FABP7: variants seen among roughly 807,000 people sequenced by gnomAD.
FABP7 encodes fatty acid binding protein 7.
Under a neutral mutation model 14.2 loss-of-function variants are expected in FABP7, and 13 were observed. The ratio of observed to expected loss-of-function variants is 0.91; its 90% confidence interval spans 0.59 to 1.45. The LOEUF (loss-of-function observed/expected upper bound fraction) is 1.45. FABP7 is among the 40% of genes most tolerant of loss of function. FABP7 has a pLI of 0.00. For synonymous variants in FABP7, 49 were observed against 51.4 expected, an observed-to-expected ratio of 0.95 and a Z score of 0.20; for missense variants, 149 against 157.6, an observed-to-expected ratio of 0.95 and a Z score of 0.29.
upstream of FABP7, among the ~76,000 whole-genome samples, chr6:122,778,767 C>T (rs1395370468): frequency 1.3e-5 from 2 of 152,182 alleles, no homozygotes; most frequent in African/African-American, 4.8e-5. Context: ...CAGTTCCTGC[C>T]CTTCCCCATC....
intron 3 of FABP7, chr6:122,782,555 C>A: frequency 1.0e-6 from 1 of 984,884 alleles, no homozygotes; most frequent in South Asian, 4.7e-5. Flanking sequence ...AAATATTATG[C>A]CTTCACCAAG....
chr6:122,765,065 TCTTCTTTTA>T, the FABP7 span, among the ~76,000 whole-genome samples: 1 of 152,244 alleles, frequency 6.6e-6, no homozygotes, highest in Middle Eastern at 3.4e-3. Context: ...AAGAGAAAAA[TCTTCTTTTA>T]CAGGCACATG....
At chr6:122,780,102 T>C (rs1045123247) in intron 1 of FABP7, among the ~76,000 whole-genome samples, 189 bp from the exon 2 acceptor site, 5 of 152,228 alleles carry the variant, frequency 3.3e-5, no homozygotes, top group Non-Finnish European at 5.9e-5. Flanking sequence ...ATGAAGCTTC[T>C]CTGACTTTTT....
At chr6:122,758,552 T>C in the FABP7 span, among the ~76,000 whole-genome samples, 1 of 152,148 alleles carries the variant, frequency 6.6e-6, no homozygotes, top group African/African-American at 2.4e-5. Context: ...ATTTGGGCCA[T>C]ATAAATAGTT....
the FABP7 span, among the ~76,000 whole-genome samples, chr6:122,765,187 A>G: frequency 6.6e-6 from 1 of 152,156 alleles, no homozygotes; most frequent in African/African-American, 2.4e-5. Flanking sequence ...ATGGGCAATC[A>G]TACTTCTTAT....
In FABP7 at chr6:122,781,073, C is replaced by A. The variant is rs375306300; in HGVS notation, c.247-20C>A. On this transcript the variant is annotated intron_variant, in intron 2 of 3. Coordinates refer to ENST00000368444, the MANE Select transcript of FABP7 (RefSeq NM_001446.5). ...GAATTGTATTTATTGCTATGTTCTG[C>A]ATTTTGTTGTTGGTCTCAGTCTGTT... The A allele has an allele frequency of 1.1e-4, 176 of 1,604,146 alleles. No homozygotes were observed. The highest frequency in any genetic ancestry group is 1.5e-4 in the Non-Finnish European group (171 of 1,173,312).
At chr6:122,768,693 A>G in the FABP7 span, among the ~76,000 whole-genome samples, 1 of 152,170 alleles carries the variant, frequency 6.6e-6, no homozygotes, top group African/African-American at 2.4e-5. Flanking sequence ...GACAAGTGAT[A>G]AGATTATGAC....
At chr6:122,770,027 T>C in the FABP7 span, among the ~76,000 whole-genome samples, 57 of 152,128 alleles carry the variant, frequency 3.7e-4, 1 homozygote, top group South Asian at 4.1e-4. Flanking sequence ...ACCATATTGA[T>C]AGCTTCTTCA....
chr6:122,754,088 C>A, the FABP7 span, among the ~76,000 whole-genome samples: 1 of 152,034 alleles, frequency 6.6e-6, no homozygotes, highest in African/African-American at 2.4e-5. Flanking sequence ...GCCTTAGGTT[C>A]CCTGCCTTCA....
chr6:122,768,871 A>G, the FABP7 span, among the ~76,000 whole-genome samples: 1 of 152,162 alleles, frequency 6.6e-6, no homozygotes, highest in African/African-American at 2.4e-5. Context: ...ATTACTCTAG[A>G]TTAGAAATGA....
chr6:122,776,575 G>A (rs1780676758), upstream of FABP7, among the ~76,000 whole-genome samples: 1 of 152,126 alleles, frequency 6.6e-6, no homozygotes, highest in Non-Finnish European at 1.5e-5. Flanking sequence ...AACACAGTTA[G>A]GTGGAATGAA....
At chr6:122,773,180 C>T in the FABP7 span, among the ~76,000 whole-genome samples, 1 of 152,146 alleles carries the variant, frequency 6.6e-6, no homozygotes, top group Admixed American at 6.5e-5. Flanking sequence ...TATATATCTC[C>T]AGAATACATG....
At chr6:122,766,868 A>G in the FABP7 span, among the ~76,000 whole-genome samples, 3 of 152,218 alleles carry the variant, frequency 2.0e-5, no homozygotes, top group Admixed American at 2.0e-4. Context: ...GATCATTTAC[A>G]TTGAAAAATA....
At chr6:122,759,755 C>G in the FABP7 span, among the ~76,000 whole-genome samples, 16 of 152,294 alleles carry the variant, frequency 1.1e-4, no homozygotes, top group African/African-American at 3.8e-4. Context: ...AATAACTATG[C>G]TACAATACTA....
At chr6:122,777,845 A>AAAATAAATAAAT (rs56666229), upstream of FABP7, among the ~76,000 whole-genome samples, 64,495 of 143,594 alleles carry the variant, frequency 0.45, 16,016 homozygotes, top group Non-Finnish European at 0.56. Flanking sequence ...CCTTTCTCCA[A>AAAATAAATAAAT]AAATAAATAA....
At chr6:122,751,459 C>T in the FABP7 span, among the ~76,000 whole-genome samples, 1 of 152,208 alleles carries the variant, frequency 6.6e-6, no homozygotes, top group Non-Finnish European at 1.5e-5. Flanking sequence ...TGCATGCAGG[C>T]ATCTATGCCG....
rs1562339901 is a variant in FABP7 at position 122,781,106 on chromosome 6, T to C, written c.260T>C (p.Leu87Pro). 1 of 1,613,316 alleles carries C rather than the reference T, an allele frequency of 6.2e-7. No individual in the cohort carries two copies. ...DDRNCKSVVS[L>P]DGDKLVHIQK... is the part of the protein sequence containing the mutation. ...TGTTGGTCTCAGTCTGTTGTTAGCC[T>C]GGATGGAGACAAACTTGTTCACATA... Residue 87 changes from leucine (L) to proline (P), a missense_variant, in exon 3 of 4, where the codon CTG (leucine) becomes CCG (proline). By Grantham distance (98) the Leu-to-Pro change is moderately conservative. Coordinates refer to ENST00000368444, the MANE Select transcript of FABP7 (RefSeq NM_001446.5).
At chr6:122,753,079 G>C in the FABP7 span, among the ~76,000 whole-genome samples, 349 of 152,328 alleles carry the variant, frequency 2.3e-3, 1 homozygote, top group Non-Finnish European at 3.5e-3. Flanking sequence ...AATTCTGTCT[G>C]CGAGACTAAC....
upstream of FABP7, among the ~76,000 whole-genome samples, chr6:122,778,294 T>G (rs1395568014): frequency 2.0e-5 from 3 of 152,192 alleles, no homozygotes; most frequent in African/African-American, 7.2e-5. Context: ...GTTTCTGGCT[T>G]GTACAGTTGG....
Sources: allele counts gnomAD v4.1 joint callset (sites outside exome capture counted in the v4.1 genomes callset), GRCh38; gene constraint gnomAD v4.1.1; transcripts MANE v1.5; gene names NCBI Gene and HGNC (gene_info 2026-07-23, HGNC 2026-07-21).